Variants in DAZAP1 observed in about 807,000 individuals in gnomAD.
DAZAP1 encodes DAZ associated protein 1, also known as DAZ-associated protein 1.
In DAZAP1, 6 loss-of-function variants were observed where a neutral mutation model predicts 60.1. The ratio of observed to expected loss-of-function variants is 0.10; its 90% CI spans 0.05 to 0.20. DAZAP1 has a LOEUF of 0.20. Ranked by LOEUF, DAZAP1 falls within the 10% of genes least tolerant of loss-of-function variation. The probability of loss-of-function intolerance (pLI) is 1.00; values close to 1 mark genes in which losing one functional copy is unlikely to be tolerated. For missense variants in DAZAP1, 366 were observed against 560.4 expected (o/e 0.65, Z 3.50); for synonymous variants, 235 against 215.9 (o/e 1.09, Z -0.78).
intron 2 of DAZAP1, 90 bp downstream of exon 2, chr19:1,417,630 C>A: frequency 8.1e-7 from 1 of 1,234,822 alleles, no homozygotes; most frequent in Non-Finnish European, 1.1e-6. Context: ...TTGCTACTGT[C>A]TTGGATATTT....
intron 1 of DAZAP1, among the ~76,000 whole-genome samples, chr19:1,415,353 A>ATGTATGTGTGTG (rs2082946205): frequency 9.1e-6 from 1 of 109,374 alleles, no homozygotes; most frequent in South Asian, 3.1e-4. Context: ...TCAGGGTTTT[A>ATGTATGTGTGTG]TGTGTGTGTG....
At position 1,423,409 on chromosome 19, in the gene DAZAP1, T is replaced by C. The variant is rs1205998035; in HGVS notation, c.463+1013T>C. On this transcript the variant is annotated intron_variant, in intron 6 of 11. Transcript: ENST00000233078. The surrounding 1 kb of genome is among the most constrained non-coding windows in gnomAD (Gnocchi z 6.8). ...TCTGTGAATTGTGTGTGATTAACGA[T>C]ATCTCTTTAGATTTCTCTTCTCCAG... 6.6e-6 allele frequency among the ~76,000 whole-genome samples: 1 copy of C among 152,280 alleles called. No homozygotes were observed. Among genetic ancestry groups the C allele is most frequent in the Admixed American group, 6.5e-5 (1 of 15,292 alleles).
At chr19:1,431,877 CA>C (rs1240590135) in intron 10 of DAZAP1, among the ~76,000 whole-genome samples, 11 of 152,120 alleles carry the variant, frequency 7.2e-5, no homozygotes, top group African/African-American at 2.4e-5. Flanking sequence ...GGGTGTTTGA[CA>C]ATTGGGGCAT....
rs2083297971 is a variant in DAZAP1, at chr19:1,426,094, TG to T, written c.546+137del. 2 of 719,366 alleles carry T rather than the reference TG, an allele frequency of 2.8e-6. No individual in the cohort carries two copies. The highest frequency in any genetic ancestry group is 5.1e-6 in the Non-Finnish European group (2 of 394,004). 44.6% of individuals were successfully genotyped at this position (719,366 alleles called of 1,614,324 possible). ...TCCTGTGAACCTTTGCTGCGTGAGGTGGGCCTGGGTCTGTAGACGTGAGGAG... is the reference window on the plus strand; with the variant it reads ...TCCTGTGAACCTTTGCTGCGTGAGGTGGCCTGGGTCTGTAGACGTGAGGAG... On this transcript the variant is annotated intron_variant, in intron 7 of 11. Transcript: ENST00000233078. The surrounding 1 kb of genome is among the most constrained non-coding windows in gnomAD (Gnocchi z 5.4).
chr19:1,430,235 G>C lies in DAZAP1; in HGVS notation c.744G>C (p.Pro248=). Residue 248 remains proline (P), a synonymous_variant, in exon 10 of 12, where the codon CCG becomes CCC. Transcript: ENST00000233078. The stretch of plus-strand genomic sequence containing the variant: ...TGTGTGTTTCAGGTGGCTATGGACC[G>C]CCCCCTGCAGGAAGAGGAGCCCCCC... ...PAGQAIGGYG[P]PPAGRGAPPP... 1.3e-6 allele frequency: 2 copies of C among 1,570,654 alleles called. No individual in the cohort carries two copies. The highest frequency in any genetic ancestry group is 1.8e-5 in the Admixed American group (1 of 54,630).
rs2083491930 is a variant in DAZAP1 at position 1,432,961 on chromosome 19, G to C, written c.1048+271G>C. On this transcript the variant is annotated intron_variant, in intron 11 of 11. Transcript: ENST00000233078. This position sits in a 1 kb window ranked among gnomAD's most constrained non-coding sequence, Gnocchi z 4.9. ...ATGTGTGGGAACCTGAGTGGCGACT[G>C]GGTCGAGGGAAGTGAGTCGCAGGCA... The C allele has an allele frequency of 2.8e-5, 13 of 463,784 alleles. No homozygotes were observed. Among genetic ancestry groups the C allele is most frequent in the Non-Finnish European group, 5.0e-5 (13 of 259,976 alleles). The allele number at this position is 463,784 out of a possible 1,614,324, so 28.7% of individuals were successfully genotyped here.
rs1432048662 is a variant in DAZAP1 at position 1,425,720 on chromosome 19, C to T, written c.464-158C>T. ...TCCGTGTGCAGTCGAGTGGTGGCTCCTGGGGAGGGAGGCAGCTGCCCCAGG... is the reference window on the plus strand; with the variant it reads ...TCCGTGTGCAGTCGAGTGGTGGCTCTTGGGGAGGGAGGCAGCTGCCCCAGG... On this transcript the variant is annotated intron_variant, in intron 6 of 11. Transcript: ENST00000233078. This position sits in a 1 kb window ranked among gnomAD's most constrained non-coding sequence, Gnocchi z 5.4. 6.6e-6 allele frequency among the ~76,000 whole-genome samples: 1 copy of T among 152,214 alleles called. No individual in the cohort carries two copies. The highest frequency in any genetic ancestry group is 1.5e-5 in the Non-Finnish European group (1 of 68,038).
chr19:1,417,680 A>G (rs1933820674), intron 2 of DAZAP1, 140 bp downstream of exon 2: 1 of 803,408 alleles, frequency 1.2e-6, no homozygotes, highest in Admixed American at 2.8e-5. Context: ...TGGGCAGGGG[A>G]CAGAGTAAGT....
chr19:1,420,299 C>T (rs111405071), intron 4 of DAZAP1, among the ~76,000 whole-genome samples: 1 of 37,408 alleles, frequency 2.7e-5, no homozygotes. Flanking sequence ...GTCACGGCGG[C>T]GAGCACTCAC....
chr19:1,430,068 G>A (rs1187591577), intron 9 of DAZAP1, 72 bp downstream of exon 9: 2 of 1,582,042 alleles, frequency 1.3e-6, no homozygotes, highest in Non-Finnish European at 1.7e-6. Flanking sequence ...GGTGTCCTGG[G>A]GCAGCCGGCA....
Position 1,416,963 on chromosome 19 carries a change from C to T in DAZAP1, c.30-537C>T, listed in dbSNP as rs754632751. The T allele has an allele frequency of 1.2e-5, 2 of 161,868 alleles. 1 individual carries two copies. Among genetic ancestry groups the T allele is most frequent in the Middle Eastern group, 5.6e-3 (2 of 354 alleles). The allele number at this position is 161,868 out of a possible 1,614,324, so 10.0% of individuals were successfully genotyped here. ...GCTGAGACTGGAGCTTCAGGGCCTT[C>T]ACCTTCATCTGTGGGCCTCTCGTTA... On this transcript the variant is annotated intron_variant, in intron 1 of 11. Coordinates refer to ENST00000233078, the MANE Select transcript of DAZAP1 (RefSeq NM_018959.4). This position sits in a 1 kb window ranked among gnomAD's most constrained non-coding sequence, Gnocchi z 4.3.
At chr19:1,408,259 C>T (rs933038613) in intron 1 of DAZAP1, among the ~76,000 whole-genome samples, 3 of 152,082 alleles carry the variant, frequency 2.0e-5, no homozygotes, top group Admixed American at 6.5e-5. Flanking sequence ...TTGGGGGGGT[C>T]TGGAGCGTCC....
At chr19:1,410,410 T>C (rs574493413) in intron 1 of DAZAP1, among the ~76,000 whole-genome samples, 1 of 152,014 alleles carries the variant, frequency 6.6e-6, no homozygotes, top group African/African-American at 2.4e-5. Context: ...GGTCCTCTTG[T>C]GAAGGGTGGG....
intron 6 of DAZAP1, among the ~76,000 whole-genome samples, chr19:1,424,338 CCCTCCT>C (rs1569077987): frequency 5.1e-5 from 6 of 118,684 alleles, no homozygotes; most frequent in African/African-American, 1.9e-4. Context: ...TTCCCCCTCC[CCCTCCT>C]CCTCCCCCTC....
In DAZAP1 at chr19:1,423,383, C is replaced by G. The variant is rs1308315641; in HGVS notation, c.463+987C>G. On this transcript the variant is annotated intron_variant, in intron 6 of 11. Transcript: ENST00000233078. This position sits in a 1 kb window ranked among gnomAD's most constrained non-coding sequence, Gnocchi z 6.8. ...TTAAGTAAGCTGTTTTTCCTTTTCT[C>G]TCTGTGAATTGTGTGTGATTAACGA... Among the ~76,000 whole-genome samples the G allele has an allele frequency of 6.6e-6, 1 of 152,224 alleles. No individual in the cohort carries two copies. The highest frequency in any genetic ancestry group is 2.4e-5 in the African/African-American group (1 of 41,450).
chr19:1,420,783 C>T (rs1479513601), intron 4 of DAZAP1, among the ~76,000 whole-genome samples: 3 of 152,354 alleles, frequency 2.0e-5, no homozygotes, highest in Non-Finnish European at 4.4e-5. Flanking sequence ...CTCATTTCGT[C>T]GTCGCTGCTG....
rs117428133 is a variant in DAZAP1, at chr19:1,426,112, C to T, written c.546+152C>T. The T allele has an allele frequency of 0.022, 14,614 of 665,810 alleles. 208 individuals carry two copies. The highest frequency in any genetic ancestry group is 0.029 in the Non-Finnish European group (10,672 of 363,354). 41.2% of individuals were successfully genotyped at this position (665,810 alleles called of 1,614,324 possible). A position where few individuals can be genotyped will look rare whatever the true frequency, so the allele number is the denominator to read the frequency against. Reference sequence around the variant, plus strand: ...CGTGAGGTGGGCCTGGGTCTGTAGACGTGAGGAGGGTCCCATCCTTCCCCA... The same window carrying T: ...CGTGAGGTGGGCCTGGGTCTGTAGATGTGAGGAGGGTCCCATCCTTCCCCA... On this transcript the variant is annotated intron_variant, in intron 7 of 11. Transcript: ENST00000233078. The surrounding 1 kb of genome is among the most constrained non-coding windows in gnomAD (Gnocchi z 5.4).
chr19:1,407,609 G>A lies in DAZAP1; in HGVS notation c.-165G>A. 2 of 304,508 alleles carry A rather than the reference G, an allele frequency of 6.6e-6. No homozygotes were observed. The highest frequency in any genetic ancestry group is 9.0e-6 in the Non-Finnish European group (2 of 221,756). The allele number at this position is 304,508 out of a possible 1,614,324, so 18.9% of individuals were successfully genotyped here. ...ACGCGCGGTGACCGTTGGCGCCGAG[G>A]GGAGGAGGCAGCCGCCGCCGCCGCC... On this transcript the variant is annotated 5_prime_UTR_variant, in exon 1 of 12. Coordinates refer to ENST00000233078, the MANE Select transcript of DAZAP1 (RefSeq NM_018959.4).
At position 1,433,690 on chromosome 19, in the gene DAZAP1, C is replaced by A; in HGVS notation, c.1048+1000C>A. The A allele has an allele frequency of 6.6e-7, 1 of 1,509,292 alleles. No individual in the cohort carries two copies. Among genetic ancestry groups the A allele is most frequent in the South Asian group, 1.1e-5 (1 of 88,904 alleles). 93.5% of individuals were successfully genotyped at this position (1,509,292 alleles called of 1,614,324 possible). On this transcript the variant is annotated intron_variant, in intron 11 of 11. Coordinates refer to ENST00000233078, the MANE Select transcript of DAZAP1 (RefSeq NM_018959.4). This position sits in a 1 kb window ranked among gnomAD's most constrained non-coding sequence, Gnocchi z 6.1. ...GGCGTGGCGTGTGTCAGCCGCTGCT[C>A]TTGGTGGCGGCTGCTTGGGTTGGTC...
Sources: gnomAD v4.1 joint callset for allele counts (sites outside exome capture counted in the v4.1 genomes callset) on GRCh38, gnomAD v4.1.1 for gene constraint, Gnocchi (gnomAD v3.1) non-coding constraint, MANE v1.5 for transcripts, NCBI Gene and HGNC (gene_info 2026-07-23, HGNC 2026-07-21) for gene names.